Variants in KIF21B observed in about 807,000 individuals in gnomAD.
The protein encoded by KIF21B is kinesin-like protein KIF21B.
In KIF21B, 85 loss-of-function variants were observed where a neutral mutation model predicts 192.9. The observed-to-expected ratio is 0.44, with a 90% CI of 0.37 to 0.53. KIF21B has a LOEUF of 0.53. Among genes scored for constraint, KIF21B ranks in the 20% least tolerant of loss-of-function variants. KIF21B has a pLI of 0.00. For synonymous variants in KIF21B, 832 were observed against 884.6 expected (o/e 0.94, Z 1.05); for missense variants, 1,716 against 2,194.8 (o/e 0.78, Z 4.36).
In KIF21B at chr1:200,986,848, T is replaced by A; in HGVS notation, c.3685A>T (p.Ile1229Phe). ...GATTCTAGAACATGATCTCACCTAA[T>A]GGGCTGCCCTCGGTCGTAGGACTTC... is the stretch of plus-strand genomic sequence containing the variant. The part of the protein sequence containing the change: ...RRKSYDRGQP[I>F]RSTDVGFTPP... Residue 1229 changes from isoleucine (I) to phenylalanine (F), a missense_variant, in exon 26 of 35, where the codon ATT becomes TTT. Ile to Phe is a conservative substitution (Grantham distance 21). This residue lies in a region of KIF21B where 580 missense variants were observed against 775.5 expected (regional missense o/e 0.75). Transcript: ENST00000461742. 1.2e-6 allele frequency: 2 copies of A among 1,612,792 alleles called. No individual in the cohort carries two copies. The highest frequency in any genetic ancestry group is 1.1e-5 in the South Asian group (1 of 90,908).
chr1:201,000,495 C>G lies in KIF21B; in HGVS notation c.1580G>C (p.Gly527Ala), dbSNP rs745715373. The G allele has an allele frequency of 2.5e-6, 4 of 1,609,020 alleles. No individual in the cohort carries two copies. The highest frequency in any genetic ancestry group is 3.4e-6 in the Non-Finnish European group (4 of 1,177,040). The part of the protein sequence containing the change: ...LGASPAAPAF[G>A]GSPASSMEDA... The stretch of plus-strand genomic sequence containing the variant: ...CTCCATGGAGCTGGCAGGGCTGCCC[C>G]CGAAGGCCGGGGCGGCTGGAGAAGC... Residue 527 changes from glycine to alanine, a missense_variant, in exon 11 of 35, where the codon GGG becomes GCG. By Grantham distance (60) the Gly-to-Ala change is moderately conservative. This residue lies in a region of KIF21B where 1,087 missense variants were observed against 1,316.6 expected (regional missense o/e 0.83). Transcript: ENST00000461742. The surrounding 1 kb of genome is among the most constrained non-coding windows in gnomAD (Gnocchi z 6.0).
chr1:200,977,828 G>T (rs574872671), intron 30 of KIF21B, among the ~76,000 whole-genome samples: 1 of 144,576 alleles, frequency 6.9e-6, no homozygotes, highest in African/African-American at 2.6e-5. Flanking sequence ...TCTGCCTCCC[G>T]GGTTCAAGCG....
At chr1:200,988,467 C>T (rs766986067) in intron 23 of KIF21B, 26 bp downstream of exon 23, 1 of 1,610,910 alleles carries the variant, frequency 6.2e-7, no homozygotes. Flanking sequence ...GTGAGCCAGC[C>T]TCTCACTCCC....
intron 15 of KIF21B, among the ~76,000 whole-genome samples, chr1:200,993,010 C>T (rs1656805001): frequency 6.6e-6 from 1 of 152,200 alleles, no homozygotes. Flanking sequence ...ATTCCGAAAA[C>T]AAATCATCGC....
At chr1:201,011,818 T>C (rs1458532844) in intron 1 of KIF21B, among the ~76,000 whole-genome samples, 1 of 152,272 alleles carries the variant, frequency 6.6e-6, no homozygotes, top group African/African-American at 2.4e-5. Flanking sequence ...GTGGGATTTC[T>C]GGATTCAGTT....
In KIF21B at chr1:201,005,580, C is replaced by T; in HGVS notation, c.562G>A (p.Gly188Ser). The change falls in exon 4 of 35, where the codon GGC becomes AGC. Residue 188 changes from glycine (G) to serine (S), a missense_variant. Physicochemically the swap from Gly to Ser is moderately conservative, Grantham distance 56. This residue lies in a region of KIF21B where 1,087 missense variants were observed against 1,316.6 expected (regional missense o/e 0.83). Transcript: ENST00000461742. ...GAGTGGATGAGGCGAGAAGTGACGCCAGTGGTGTAGATGCCACCGTTTGCG... is the reference window on the plus strand; with the variant it reads ...GAGTGGATGAGGCGAGAAGTGACGCTAGTGGTGTAGATGCCACCGTTTGCG... Reference protein sequence around the residue: ...EDANGGIYTTGVTSRLIHSQE... With the variant: ...EDANGGIYTTSVTSRLIHSQE... 6.2e-7 allele frequency: 1 copy of T among 1,614,202 alleles called. No homozygotes were observed. The highest frequency in any genetic ancestry group is 8.5e-7 in the Non-Finnish European group (1 of 1,180,020).
Position 200,990,768 on chromosome 1 carries a change from C to T in KIF21B, c.2688-45G>A. On this transcript the variant is annotated intron_variant, in intron 18 of 34. Transcript: ENST00000461742. The surrounding 1 kb of genome is among the most constrained non-coding windows in gnomAD (Gnocchi z 5.4). ...GGGATTGGATGGGACTCCTTTTAAC[C>T]TCTGCAGCTCCACTGAGCCCCCATC... The T allele has an allele frequency of 6.2e-7, 1 of 1,607,158 alleles. No homozygotes were observed. The highest frequency in any genetic ancestry group is 8.5e-7 in the Non-Finnish European group (1 of 1,175,334).
In KIF21B at chr1:201,008,763, C is replaced by G. The variant is rs569693933; in HGVS notation, c.447+6G>C. ...CCCACCTGCCCACCCTATGGGGCCACAGTACCTCCAGAAACTGGGCGCTGA... is the reference window on the plus strand; with the variant it reads ...CCCACCTGCCCACCCTATGGGGCCAGAGTACCTCCAGAAACTGGGCGCTGA... On this transcript the variant is annotated splice_donor_region_variant and intron_variant, in intron 3 of 34. Coordinates refer to ENST00000461742, the MANE Select transcript of KIF21B (RefSeq NM_001252102.2). The G allele has an allele frequency of 3.0e-5, 48 of 1,590,536 alleles. 1 individual carries two copies. In the South Asian group the frequency reaches 4.6e-4, roughly 15 times the overall value.
In KIF21B at chr1:200,990,315, G is replaced by T; in HGVS notation, c.2853C>A (p.Phe951Leu). The T allele has an allele frequency of 6.2e-7, 1 of 1,611,380 alleles. No individual in the cohort carries two copies. The highest frequency in any genetic ancestry group is 8.5e-7 in the Non-Finnish European group (1 of 1,179,098). The change falls in exon 20 of 35, where the codon TTC (phenylalanine) becomes TTA (leucine). Residue 951 changes from phenylalanine (F) to leucine (L), a missense_variant. By Grantham distance (22) the Phe-to-Leu change is conservative. Around this residue, in one of 3 missense-constraint regions of KIF21B, gnomAD observed 1,087 missense variants for 1,316.6 expected, o/e 0.83. Transcript: ENST00000461742. This position sits in a 1 kb window ranked among gnomAD's most constrained non-coding sequence, Gnocchi z 5.4. ...ERLIKKREEL[F>L]LLQEALRRKR... ...TCCTCCGCAGTGCCTCCTGCAGGAG[G>T]AACAGCTCCTCCCTTTTCTGGGGTC... is the stretch of plus-strand genomic sequence containing the variant.
intron 1 of KIF21B, among the ~76,000 whole-genome samples, chr1:201,012,835 C>T (rs944306689): frequency 3.9e-5 from 6 of 152,056 alleles, no homozygotes; most frequent in Non-Finnish European, 8.8e-5. Context: ...GTAGAGACAA[C>T]GTTTTGCCAT....
At chr1:200,991,513 G>GCCGGCT (rs1656693914) in intron 17 of KIF21B, 144 bp downstream of exon 17, 2 of 817,550 alleles carry the variant, frequency 2.4e-6, no homozygotes, top group Admixed American at 4.7e-5. Flanking sequence ...TCCCCTCCCT[G>GCCGGCT]CCGGCTCTGG....
chr1:200,980,165 C>T (rs940858302), intron 29 of KIF21B, among the ~76,000 whole-genome samples: 1 of 152,218 alleles, frequency 6.6e-6, no homozygotes, highest in South Asian at 2.1e-4. Flanking sequence ...CCGTGGAGAG[C>T]TATATTTATG....
intron 9 of KIF21B, chr1:201,001,930 C>A: frequency 3.5e-6 from 2 of 563,946 alleles, no homozygotes; most frequent in South Asian, 4.3e-5. Context: ...CGATTTTAAT[C>A]TTTCACTTCA....
intron 31 of KIF21B, 89 bp downstream of exon 31, chr1:200,977,123 C>T: frequency 3.4e-6 from 5 of 1,485,604 alleles, no homozygotes; most frequent in Non-Finnish European, 4.6e-6. Flanking sequence ...GAGGTCCTAC[C>T]CACCCTGGGG....
chr1:201,001,921 G>A (rs35304341), intron 9 of KIF21B: 44,372 of 550,008 alleles, frequency 0.081, 2,195 homozygotes, highest in South Asian at 0.13. Flanking sequence ...AGGGAGAGGC[G>A]ATTTTAATCT....
Position 200,996,391 on chromosome 1 carries a change from G to A in KIF21B, c.2082C>T (p.Thr694=). ...CCTTCTCCTCAGTATAGCACTCCAT[G>A]GTGCCTGAGAGCAAGGAGACGCAGC... is the stretch of plus-strand genomic sequence containing the variant. ...ERDRVLQNLS[T]MECYTEEKAN... Residue 694 remains threonine (T), a synonymous_variant, in exon 15 of 35, where the codon ACC becomes ACT. Coordinates refer to ENST00000461742, the MANE Select transcript of KIF21B (RefSeq NM_001252102.2). 1 of 1,613,790 alleles carries A rather than the reference G, an allele frequency of 6.2e-7. No individual in the cohort carries two copies. The highest frequency in any genetic ancestry group is 8.5e-7 in the Non-Finnish European group (1 of 1,179,874).
At position 201,020,673 on chromosome 1, in the gene KIF21B, C is replaced by T. The variant is rs1005579521; in HGVS notation, c.41+2670G>A. Among the ~76,000 whole-genome samples, 3 of 152,328 alleles carry T rather than the reference C, an allele frequency of 2.0e-5. No homozygotes were observed. The East Asian group carries it at 5.8e-4, about 29-fold the overall frequency. On this transcript the variant is annotated intron_variant, in intron 1 of 34. Transcript: ENST00000461742. ...CTGAAAGTTTCCTCCTCCGGCTCTCCAGGAGCCCAGGCCTTCACTGAAGCG... is the reference window on the plus strand; with the variant it reads ...CTGAAAGTTTCCTCCTCCGGCTCTCTAGGAGCCCAGGCCTTCACTGAAGCG...
intron 15 of KIF21B, 82 bp downstream of exon 15, chr1:200,996,113 TG>T (rs1355511347): frequency 7.6e-7 from 1 of 1,324,028 alleles, no homozygotes; most frequent in Non-Finnish European, 1.1e-6. Context: ...TTGACAGCAA[TG>T]ATTATTTTTA....
chr1:201,003,854 G>T, intron 7 of KIF21B, 73 bp from the exon 8 acceptor site: 1 of 1,485,490 alleles, frequency 6.7e-7, no homozygotes, highest in Non-Finnish European at 9.4e-7. Flanking sequence ...TCAGGGTAGA[G>T]GTCCTGCTCC....
Sources: gnomAD v4.1 joint callset for allele counts (sites outside exome capture counted in the v4.1 genomes callset) on GRCh38, gnomAD v4.1.1 for gene constraint, gnomAD v4.1.1 regional missense constraint, Gnocchi (gnomAD v3.1) non-coding constraint, MANE v1.5 for transcripts, NCBI Gene and HGNC (gene_info 2026-07-23, HGNC 2026-07-21) for gene names.